ANO1: variants seen among roughly 807,000 people sequenced by gnomAD.
ANO1 encodes anoctamin 1.
A neutral mutation model predicts 124.0 loss-of-function variants in ANO1; 59 were observed. The observed-to-expected ratio is 0.48, with a 90% CI of 0.39 to 0.59. ANO1 has a LOEUF of 0.59. Ranked by LOEUF, ANO1 falls within the 20% of genes least tolerant of loss-of-function variation. The probability of loss-of-function intolerance (pLI) is 0.00; values close to 1 mark genes in which losing one functional copy is unlikely to be tolerated. For missense variants in ANO1, 1,059 were observed against 1,328.0 expected (o/e 0.80, Z 3.15); for synonymous variants, 529 against 532.0 (o/e 0.99, Z 0.08).
At chr11:70,035,938 G>A (rs188612324) in intron 1 of ANO1, among the ~76,000 whole-genome samples, 1 of 152,220 alleles carries the variant, frequency 6.6e-6, no homozygotes. Context: ...TAGGCATTTA[G>A]GTTGATTCCA....
At chr11:70,170,276 C>T (rs1249144608) in intron 21 of ANO1, 1 of 396,412 alleles carries the variant, frequency 2.5e-6, no homozygotes, top group Non-Finnish European at 5.0e-6. Context: ...CCTTTGAGCT[C>T]ACGATGGTCC....
intron 11 of ANO1, among the ~76,000 whole-genome samples, chr11:70,141,376 G>T (rs561511037): frequency 6.6e-6 from 1 of 152,136 alleles, no homozygotes; most frequent in East Asian, 1.9e-4. Flanking sequence ...GGGAGTGGGG[G>T]ACTCTGTGCC....
At chr11:70,095,494 G>T (rs2044912114) in intron 2 of ANO1, among the ~76,000 whole-genome samples, 1 of 152,220 alleles carries the variant, frequency 6.6e-6, no homozygotes, top group South Asian at 2.1e-4. Flanking sequence ...TGTTTTTAAA[G>T]TGACCCCAAG....
chr11:69,997,209 T>C (rs1274661286), intron 1 of ANO1, among the ~76,000 whole-genome samples: 1 of 152,236 alleles, frequency 6.6e-6, no homozygotes, highest in African/African-American at 2.4e-5. Flanking sequence ...CAAAGCATAC[T>C]CTGAGCTGGT....
rs2044542564 is a variant in ANO1 at position 70,089,694 on chromosome 11, C to T, written c.441+1610C>T. Among the ~76,000 whole-genome samples the T allele has an allele frequency of 2.0e-5, 3 of 152,292 alleles. No homozygotes were observed. In the South Asian group the frequency reaches 6.2e-4, roughly 32 times the overall value. Reference sequence around the variant, plus strand: ...CTGACAAGGATTCAGAGACTTTCTCCCTGCCTTTGGGGGCAGCTGCCAGGG... The same window carrying T: ...CTGACAAGGATTCAGAGACTTTCTCTCTGCCTTTGGGGGCAGCTGCCAGGG... On this transcript the variant is annotated intron_variant, in intron 2 of 25. Transcript: ENST00000355303.
At chr11:70,111,856 G>C in intron 7 of ANO1, 94 bp downstream of exon 7, 1 of 1,284,786 alleles carries the variant, frequency 7.8e-7, no homozygotes, top group Non-Finnish European at 1.1e-6. Flanking sequence ...TTATCCTGTG[G>C]TCACAGCTTC....
Position 70,131,913 on chromosome 11 carries a change from T to C in ANO1, c.1098-6T>C. On this transcript the variant is annotated splice_region_variant and splice_polypyrimidine_tract_variant and intron_variant, in intron 10 of 25. Coordinates refer to ENST00000355303, the MANE Select transcript of ANO1 (RefSeq NM_018043.7). ...GGTGACTCCAGGGCTGCCCCCTCTC[T>C]TGCAGCATGGAGATGTGTGACCAGA... The C allele has an allele frequency of 1.2e-6, 2 of 1,603,248 alleles. No individual in the cohort carries two copies. The highest frequency in any genetic ancestry group is 1.7e-6 in the Non-Finnish European group (2 of 1,178,938).
At chr11:69,988,498 T>TTGTCATCAA (rs1333597055) in intron 1 of ANO1, among the ~76,000 whole-genome samples, 1 of 152,226 alleles carries the variant, frequency 6.6e-6, no homozygotes, top group Non-Finnish European at 1.5e-5. Flanking sequence ...ATTATCATCA[T>TTGTCATCAA]TGTCATCAAT....
chr11:70,069,767 G>A (rs1857823832), intron 1 of ANO1, among the ~76,000 whole-genome samples: 2 of 150,616 alleles, frequency 1.3e-5, no homozygotes, highest in African/African-American at 4.9e-5. Context: ...TATGTGTCTT[G>A]GAGGATCTGG....
chr11:70,009,713 G>A (rs186864246), intron 1 of ANO1, among the ~76,000 whole-genome samples: 1 of 152,276 alleles, frequency 6.6e-6, no homozygotes, highest in Non-Finnish European at 1.5e-5. Context: ...AGGCAAAGGG[G>A]ATGAGCCTGT....
rs1030322617 is a variant in ANO1, at chr11:70,126,233, A to G, written c.1097+38A>G. On this transcript the variant is annotated intron_variant, in intron 10 of 25. Coordinates refer to ENST00000355303, the MANE Select transcript of ANO1 (RefSeq NM_018043.7). ...CCACCCCCACCACCCCGCAGTACAC[A>G]GAGGAGCCCTCTCCTGCCATCCCAG... 1.9e-6 allele frequency: 3 copies of G among 1,590,322 alleles called. No homozygotes were observed. The Admixed American group carries it at 5.2e-5, about 27-fold the overall frequency.
At chr11:69,987,280 G>A (rs1856062581) in intron 1 of ANO1, among the ~76,000 whole-genome samples, 1 of 152,214 alleles carries the variant, frequency 6.6e-6, no homozygotes, top group Admixed American at 6.5e-5. Context: ...AAGCTCACGT[G>A]TAGAAATGAT....
chr11:70,049,664 T>C (rs1386310434), intron 1 of ANO1, among the ~76,000 whole-genome samples: 7 of 152,092 alleles, frequency 4.6e-5, no homozygotes, highest in African/African-American at 1.7e-4. Flanking sequence ...TACCTAATCT[T>C]CTATGAATCT....
At chr11:70,103,186 C>T (rs751258594) in intron 3 of ANO1, 22 bp downstream of exon 3, 1 of 1,590,612 alleles carries the variant, frequency 6.3e-7, no homozygotes, top group Non-Finnish European at 8.6e-7. Context: ...TGGTCCTGCT[C>T]CGAAATGAAT....
At chr11:70,112,222 G>A (rs1590763352) in intron 7 of ANO1, among the ~76,000 whole-genome samples, 1 of 152,212 alleles carries the variant, frequency 6.6e-6, no homozygotes, top group Non-Finnish European at 1.5e-5. Flanking sequence ...TGGCTGACTT[G>A]GGGTGGAGAG....
chr11:70,171,059 G>A lies in ANO1; in HGVS notation c.2350+20G>A, dbSNP rs770550518. 3.3e-5 allele frequency: 53 copies of A among 1,607,860 alleles called. No individual in the cohort carries two copies. Among genetic ancestry groups the A allele is most frequent in the Admixed American group, 1.4e-4 (8 of 59,210 alleles). On this transcript the variant is annotated intron_variant, in intron 22 of 25. Transcript: ENST00000355303. ...ACATCGGTGAGTGACCCCACGGGCCGGCAGAACCGGTTCCGAGTGCGTGCT... is the reference window on the plus strand; with the variant it reads ...ACATCGGTGAGTGACCCCACGGGCCAGCAGAACCGGTTCCGAGTGCGTGCT...
rs557478886 is a variant in ANO1 at position 69,989,711 on chromosome 11, G to A, written c.58+3545G>A. Among the ~76,000 whole-genome samples the A allele has an allele frequency of 5.9e-5, 9 of 152,274 alleles. No homozygotes were observed. The East Asian group carries it at 1.6e-3, about 26-fold the overall frequency. On this transcript the variant is annotated intron_variant, in intron 1 of 27. Coordinates refer to the ANO1 transcript ENST00000531349. ...TGTCCTACAGAGAAAAGGCTGATGG[G>A]CCAGGGGCAGAAGCCTGCTCAGAGG... is the stretch of plus-strand genomic sequence containing the variant.
intron 8 of ANO1, among the ~76,000 whole-genome samples, chr11:70,123,025 C>T (rs941441248): frequency 5.3e-5 from 8 of 152,218 alleles, no homozygotes; most frequent in Admixed American, 4.6e-4. Context: ...CACCCTGTAC[C>T]TTTCGCACAT....
chr11:70,026,411 A>T (rs1245714773), intron 1 of ANO1, among the ~76,000 whole-genome samples: 2 of 147,154 alleles, frequency 1.4e-5, no homozygotes, highest in African/African-American at 2.5e-5. Context: ...AATAATGATG[A>T]TGACAACAGT....
Sources: allele counts gnomAD v4.1 joint callset (sites outside exome capture counted in the v4.1 genomes callset), GRCh38; gene constraint gnomAD v4.1.1; transcripts MANE v1.5; gene names NCBI Gene and HGNC (gene_info 2026-07-23, HGNC 2026-07-21).